Variants in PLOD2 observed in about 807,000 individuals in gnomAD.
PLOD2 encodes procollagen-lysine,2-oxoglutarate 5-dioxygenase 2.
A neutral mutation model predicts 101.0 loss-of-function variants in PLOD2; 65 were observed. That is an observed-to-expected ratio of 0.64 (90% CI 0.53 to 0.79). The LOEUF (loss-of-function observed/expected upper bound fraction) is 0.79, where lower values mean the gene tolerates loss of function less well. Ranked by LOEUF, PLOD2 falls within the 30% of genes least tolerant of loss-of-function variation. The pLI is 0.00. For synonymous variants in PLOD2, 314 were observed against 302.9 expected (o/e 1.04, Z -0.38); for missense variants, 909 against 914.6 (o/e 0.99, Z 0.08).
At chr3:146,104,720 C>G (rs1428360221) in intron 5 of PLOD2, among the ~76,000 whole-genome samples, 1 of 152,122 alleles carries the variant, frequency 6.6e-6, no homozygotes, top group Non-Finnish European at 1.5e-5. Context: ...TCACTCACAT[C>G]AATTTCAGGA....
chr3:146,076,823 G>A lies in PLOD2; in HGVS notation c.1636C>T (p.His546Tyr). 1 of 1,586,086 alleles carries A rather than the reference G, an allele frequency of 6.3e-7. No individual in the cohort carries two copies. The highest frequency in any genetic ancestry group is 1.3e-5 in the African/African-American group (1 of 74,220). ...LLSTANYNTS[H>Y]YNNDLWQIFE... Reference sequence around the variant, plus strand: ...ATCTGCCAGAGGTCATTGTTATAATGGGAAGTATTGTAATTAGCAGTGGAT... The same window carrying A: ...ATCTGCCAGAGGTCATTGTTATAATAGGAAGTATTGTAATTAGCAGTGGAT... The change falls in exon 15 of 20, where the codon CAT (histidine) becomes TAT (tyrosine). Residue 546 changes from histidine to tyrosine, a missense_variant. Transcript: ENST00000282903.
At position 146,141,152 on chromosome 3, in the gene PLOD2, A is replaced by G. The variant is rs151308904; in HGVS notation, c.110-16923T>C. On this transcript the variant is annotated intron_variant, in intron 1 of 19. Transcript: ENST00000282903. ...TCTAATGGCTTTCCTACCTTTAATT[A>G]TAAGTAACATAAATAGCTGGATGTT... 4.9e-3 allele frequency among the ~76,000 whole-genome samples: 753 copies of G among 152,188 alleles called. 6 individuals carry two copies. Among genetic ancestry groups the G allele is most frequent in the African/African-American group, 0.017 (717 of 41,546 alleles).
At chr3:146,112,262 T>C (rs920755391) in intron 3 of PLOD2, among the ~76,000 whole-genome samples, 2 of 152,106 alleles carry the variant, frequency 1.3e-5, no homozygotes, top group Non-Finnish European at 2.9e-5. Flanking sequence ...TGCCCATTAA[T>C]GATAAACTGG....
chr3:146,120,646 G>A (rs1285067014), intron 3 of PLOD2, among the ~76,000 whole-genome samples: 5 of 152,150 alleles, frequency 3.3e-5, no homozygotes, highest in Non-Finnish European at 7.3e-5. Flanking sequence ...AAGAGCTTCT[G>A]CACAGCAAAA....
intron 1 of PLOD2, among the ~76,000 whole-genome samples, chr3:146,155,077 A>C (rs990335612): frequency 6.6e-6 from 1 of 152,196 alleles, no homozygotes; most frequent in Non-Finnish European, 1.5e-5. Context: ...TTTGTGACAC[A>C]GTCGGGCAGT....
At chr3:146,084,861 A>G (rs193075748) in intron 11 of PLOD2, among the ~76,000 whole-genome samples, 13 of 152,266 alleles carry the variant, frequency 8.5e-5, no homozygotes, top group Admixed American at 5.9e-4. Context: ...AAAAATATCT[A>G]TAGAGAATAA....
chr3:146,133,553 C>T (rs2031050104), intron 1 of PLOD2, among the ~76,000 whole-genome samples: 1 of 152,136 alleles, frequency 6.6e-6, no homozygotes, highest in Non-Finnish European at 1.5e-5. Flanking sequence ...TCAACCTAAA[C>T]ATGATAAGCA....
At chr3:146,072,711 C>G (rs1559831684) in intron 16 of PLOD2, 46 bp from the exon 17 acceptor site, 1 of 1,127,896 alleles carries the variant, frequency 8.9e-7, no homozygotes, top group East Asian at 2.4e-5. Flanking sequence ...ACTTCTGTGT[C>G]TTAATAGTCT....
chr3:146,127,710 G>A (rs2030655531), intron 1 of PLOD2, among the ~76,000 whole-genome samples: 1 of 152,044 alleles, frequency 6.6e-6, no homozygotes, highest in Non-Finnish European at 1.5e-5. Context: ...GATGGCTGAA[G>A]AGATACTTCT....
rs1363913755 is a variant in PLOD2, at chr3:146,096,613, G to A, written c.778-4712C>T. ...AGGTGAGGAGTGTCTCTGCCCGGCC[G>A]CTCCGTCTGAGAAGTGAGGAAACCC... is the stretch of plus-strand genomic sequence containing the variant. On this transcript the variant is annotated intron_variant, in intron 7 of 19. Coordinates refer to ENST00000282903, the MANE Select transcript of PLOD2 (RefSeq NM_182943.3). 2.1e-5 allele frequency among the ~76,000 whole-genome samples: 2 copies of A among 94,006 alleles called. 1 individual carries two copies. The highest frequency in any genetic ancestry group is 9.1e-5 in the African/African-American group (2 of 22,074). The allele number at this position is 94,006 out of a possible 152,430, so 61.7% of individuals were successfully genotyped here.
chr3:146,156,340 G>A (rs1028133449), intron 1 of PLOD2, among the ~76,000 whole-genome samples: 4 of 152,240 alleles, frequency 2.6e-5, no homozygotes, highest in Non-Finnish European at 2.9e-5. Flanking sequence ...GGACCAGCTA[G>A]TCAATATCTC....
At chr3:146,141,238 A>T (rs2031507249) in intron 1 of PLOD2, among the ~76,000 whole-genome samples, 2 of 152,084 alleles carry the variant, frequency 1.3e-5, no homozygotes, top group African/African-American at 4.8e-5. Context: ...AAATTGCTGT[A>T]TTCTATTAAT....
chr3:146,129,193 T>C (rs1160863603), intron 1 of PLOD2, among the ~76,000 whole-genome samples: 1 of 152,126 alleles, frequency 6.6e-6, no homozygotes, highest in Non-Finnish European at 1.5e-5. Context: ...GTTTTCGTAG[T>C]AAAAGCATAA....
intron 3 of PLOD2, among the ~76,000 whole-genome samples, chr3:146,113,887 C>G (rs923293857): frequency 6.6e-6 from 1 of 152,156 alleles, no homozygotes; most frequent in Non-Finnish European, 1.5e-5. Context: ...TCTCTTCTTA[C>G]AAAAGCGAAT....
At chr3:146,094,344 A>C (rs1451786919) in intron 7 of PLOD2, among the ~76,000 whole-genome samples, 1 of 152,196 alleles carries the variant, frequency 6.6e-6, no homozygotes. Context: ...TTAGTTTCAG[A>C]AATGAGTTAT....
chr3:146,116,246 C>T (rs1261983200), intron 3 of PLOD2, among the ~76,000 whole-genome samples: 1 of 151,950 alleles, frequency 6.6e-6, no homozygotes, highest in Non-Finnish European at 1.5e-5. Flanking sequence ...GACACAGACA[C>T]ACAGACACAG....
intron 7 of PLOD2, among the ~76,000 whole-genome samples, chr3:146,097,187 C>T (rs1162790607): frequency 6.7e-6 from 1 of 150,098 alleles, no homozygotes; most frequent in East Asian, 2.0e-4. Context: ...GGGGGTCAGC[C>T]CCCCGCCCGG....
chr3:146,128,682 T>C (rs1483259940), intron 1 of PLOD2, among the ~76,000 whole-genome samples: 2 of 151,504 alleles, frequency 1.3e-5, no homozygotes, highest in African/African-American at 4.9e-5. Flanking sequence ...CTCAAAGCTC[T>C]AGAAGAAAAA....
At chr3:146,139,829 C>T (rs866566003) in intron 1 of PLOD2, among the ~76,000 whole-genome samples, 10 of 152,174 alleles carry the variant, frequency 6.6e-5, no homozygotes, top group African/African-American at 9.6e-5. Flanking sequence ...ATATCAGCTG[C>T]TGGCAAAAAA....
Sources: gnomAD v4.1 joint callset for allele counts (sites outside exome capture counted in the v4.1 genomes callset) on GRCh38, gnomAD v4.1.1 for gene constraint, MANE v1.5 for transcripts, NCBI Gene and HGNC (gene_info 2026-07-23, HGNC 2026-07-21) for gene names.